HOXA3: variants seen among roughly 807,000 people sequenced by gnomAD.
The protein encoded by HOXA3 is homeobox protein Hox-A3.
Under a neutral mutation model 30.3 loss-of-function variants are expected in HOXA3, and 8 were observed. The ratio of observed to expected loss-of-function variants is 0.26; its 90% CI spans 0.15 to 0.48. HOXA3 has a LOEUF of 0.48. Ranked by LOEUF, HOXA3 falls within the 20% of genes least tolerant of loss-of-function variation. The pLI is 0.99. For missense variants in HOXA3, 653 were observed against 614.4 expected (o/e 1.06, Z -0.66); for synonymous variants, 323 against 273.1 (o/e 1.18, Z -1.80).
intron 1 of HOXA3, chr7:27,141,871 C>G (rs758246061): frequency 1.2e-6 from 2 of 1,614,234 alleles, no homozygotes; most frequent in East Asian, 2.2e-5. Context: ...CGGCCATGCT[C>G]ATGCTTTTCA....
intron 5 of HOXA3, among the ~76,000 whole-genome samples, chr7:27,109,255 C>T (rs747826094): frequency 9.2e-5 from 14 of 152,180 alleles, no homozygotes; most frequent in Non-Finnish European, 1.8e-4. Context: ...AGAAGAGATC[C>T]CATTGAAGGT....
At chr7:27,144,799 G>T (rs896143738) in intron 1 of HOXA3, among the ~76,000 whole-genome samples, 2 of 152,240 alleles carry the variant, frequency 1.3e-5, no homozygotes, top group Non-Finnish European at 2.9e-5. Flanking sequence ...GAGGCAAGTG[G>T]AGTCTCCCCG....
rs531996531 is a variant in HOXA3 at position 27,146,808 on chromosome 7, G to T, written c.-494+5480C>A. ...GGGAGGAGAGAGAAAAAAATCCTGAGTCTGGGGCTGTGGCCCTCCAAGGCT... is the reference window on the plus strand; with the variant it reads ...GGGAGGAGAGAGAAAAAAATCCTGATTCTGGGGCTGTGGCCCTCCAAGGCT... On this transcript the variant is annotated intron_variant, in intron 1 of 5. Coordinates refer to ENST00000612286, the MANE Select transcript of HOXA3 (RefSeq NM_153631.3). Among the ~76,000 whole-genome samples the T allele has an allele frequency of 1.9e-4, 29 of 152,296 alleles. No individual in the cohort carries two copies. In the South Asian group the frequency reaches 5.0e-3, roughly 26 times the overall value.
chr7:27,112,119 C>A (rs1383479370), intron 4 of HOXA3, among the ~76,000 whole-genome samples: 1 of 152,204 alleles, frequency 6.6e-6, no homozygotes, highest in Non-Finnish European at 1.5e-5. Flanking sequence ...TTGTTTTCAA[C>A]CACTGCATGG....
intron 2 of HOXA3, chr7:27,134,223 C>A (rs1785648627): frequency 6.6e-6 from 1 of 152,200 alleles, no homozygotes; most frequent in Admixed American, 6.5e-5. Flanking sequence ...AGAGGAACAA[C>A]ACTTTACCAG....
In HOXA3 at chr7:27,137,051, G is replaced by A. The variant is rs192830028; in HGVS notation, c.-390+3032C>T. Among the ~76,000 whole-genome samples the A allele has an allele frequency of 1.7e-3, 262 of 152,296 alleles. 1 individual carries two copies. Among genetic ancestry groups the A allele is most frequent in the African/African-American group, 5.9e-3 (247 of 41,560 alleles). On this transcript the variant is annotated intron_variant, in intron 2 of 5. Coordinates refer to ENST00000612286, the MANE Select transcript of HOXA3 (RefSeq NM_153631.3). ...ATGGACAGACCCCCAGCCAAGGCAG[G>A]GGGGAGGCTGAGAAGGGCATCTTTT...
At chr7:27,120,522 G>GAGCGC (rs1784951657) in intron 4 of HOXA3, among the ~76,000 whole-genome samples, 1 of 129,040 alleles carries the variant, frequency 7.7e-6, no homozygotes, top group Non-Finnish European at 1.6e-5. Flanking sequence ...GCCTGGGACA[G>GAGCGC]AGCGCGACTC....
intron 2 of HOXA3, among the ~76,000 whole-genome samples, chr7:27,137,269 G>T (rs549436336): frequency 6.6e-6 from 1 of 152,180 alleles, no homozygotes; most frequent in Non-Finnish European, 1.5e-5. Flanking sequence ...AGGAGAAAGG[G>T]AATCTTGGCA....
chr7:27,148,454 G>A (rs981501848), intron 1 of HOXA3, among the ~76,000 whole-genome samples: 1 of 152,270 alleles, frequency 6.6e-6, no homozygotes, highest in African/African-American at 2.4e-5. Flanking sequence ...CCTGGGCCTT[G>A]CAGCCCAGAG....
chr7:27,118,330 A>G (rs1159125550), intron 4 of HOXA3, among the ~76,000 whole-genome samples: 2 of 152,190 alleles, frequency 1.3e-5, no homozygotes, highest in South Asian at 2.1e-4. Flanking sequence ...GAGAATCTAG[A>G]AAACGTAATC....
Position 27,108,570 on chromosome 7 carries a change from T to C in HOXA3, c.677A>G (p.Asn226Ser), listed in dbSNP as rs774155973. 5.0e-6 allele frequency: 8 copies of C among 1,614,112 alleles called. No individual in the cohort carries two copies. Among genetic ancestry groups the C allele is most frequent in the Admixed American group, 3.3e-5 (2 of 60,030 alleles). The part of the protein sequence containing the change: ...LCRPRRVEMA[N>S]LLNLTERQIK... ...CTGGCGCTCAGTGAGGTTCAGCAGA[T>C]TGGCCATCTCCACCCGGCGCGGCCG... Residue 226 changes from asparagine to serine, a missense_variant, in exon 6 of 6, where the codon AAT (asparagine) becomes AGT (serine). Coordinates refer to ENST00000612286, the MANE Select transcript of HOXA3 (RefSeq NM_153631.3). This position sits in a 1 kb window ranked among gnomAD's most constrained non-coding sequence, Gnocchi z 5.0.
intron 1 of HOXA3, among the ~76,000 whole-genome samples, chr7:27,149,719 G>A (rs1782904256): frequency 6.6e-6 from 1 of 152,210 alleles, no homozygotes; most frequent in African/African-American, 2.4e-5. Flanking sequence ...GAATTCAATA[G>A]GTGAAAATGA....
chr7:27,122,914 G>C (rs17471807), intron 3 of HOXA3: 1 of 120,070 alleles, frequency 8.3e-6, no homozygotes, highest in African/African-American at 3.1e-5. Flanking sequence ...TCTTTTTTTT[G>C]GCGGGGGAGT....
chr7:27,107,242 G>T lies in HOXA3; in HGVS notation c.*673C>A, dbSNP rs1290996142. 6.6e-6 allele frequency: 1 copy of T among 151,854 alleles called. No individual in the cohort carries two copies. Among genetic ancestry groups the T allele is most frequent in the Non-Finnish European group, 1.5e-5 (1 of 67,994 alleles). 9.4% of individuals were successfully genotyped at this position (151,854 alleles called of 1,614,324 possible). ...CTCTTTCAAATAAAAAAAATTCTAA[G>T]TACGCCAATACACAATTGAACAAAA... On this transcript the variant is annotated 3_prime_UTR_variant, in exon 6 of 6. Transcript: ENST00000612286.
intron 2 of HOXA3, chr7:27,130,307 G>T: frequency 2.8e-6 from 3 of 1,085,598 alleles, no homozygotes; most frequent in Non-Finnish European, 3.4e-6. Flanking sequence ...GGCTGCAGGG[G>T]CGGCGGCAGC....
chr7:27,146,877 G>A (rs956288051), intron 1 of HOXA3, among the ~76,000 whole-genome samples: 2 of 152,330 alleles, frequency 1.3e-5, no homozygotes, highest in Admixed American at 6.5e-5. Flanking sequence ...CTCTCTGTAC[G>A]GGTTTCTGAA....
rs17471779 is a variant in HOXA3, at chr7:27,118,387, C to A, written c.-121+4172G>T. On this transcript the variant is annotated intron_variant, in intron 4 of 5. Coordinates refer to ENST00000612286, the MANE Select transcript of HOXA3 (RefSeq NM_153631.3). ...CTCCGCTCCAAATGCCACAATAATG[C>A]GCTGTATTATGTGCTCACGTGGTCA... 5.9e-3 allele frequency among the ~76,000 whole-genome samples: 893 copies of A among 152,246 alleles called. 11 individuals are homozygous for A. The highest frequency in any genetic ancestry group is 0.021 in the African/African-American group (861 of 41,568).
intron 2 of HOXA3, chr7:27,129,605 G>C: frequency 6.2e-7 from 1 of 1,605,874 alleles, no homozygotes; most frequent in Non-Finnish European, 8.5e-7. Context: ...AGAAGGCCAA[G>C]GAGGAGGGAG....
intron 1 of HOXA3, chr7:27,150,860 C>T (rs1229817925): frequency 1.3e-5 from 2 of 152,484 alleles, no homozygotes; most frequent in East Asian, 3.9e-4. Flanking sequence ...CCCCCCAGGT[C>T]CCCTTGCGTC....
Sources: allele counts gnomAD v4.1 joint callset (sites outside exome capture counted in the v4.1 genomes callset), GRCh38; gene constraint gnomAD v4.1.1; non-coding constraint Gnocchi (gnomAD v3.1); transcripts MANE v1.5; gene names NCBI Gene and HGNC (gene_info 2026-07-23, HGNC 2026-07-21).